The following FSTL5 variants were observed in gnomAD, a reference collection of about 807,000 sequenced individuals.
The protein encoded by FSTL5 is follistatin-related protein 5.
Under a neutral mutation model 89.1 loss-of-function variants are expected in FSTL5, and 62 were observed. The observed-to-expected ratio is 0.70, with a 90% CI of 0.57 to 0.86. The LOEUF is 0.86. FSTL5 is among the 40% of genes least tolerant of loss of function. FSTL5 has a pLI of 0.00. For missense variants in FSTL5, 1,057 were observed against 1,001.6 expected, an observed-to-expected ratio of 1.06 and a Z score of -0.75; for synonymous variants, 383 against 346.2, an observed-to-expected ratio of 1.11 and a Z score of -1.18.
intron 6 of FSTL5, among the ~76,000 whole-genome samples, chr4:161,669,829 T>A (rs955729117): frequency 2.6e-5 from 4 of 152,048 alleles, no homozygotes; most frequent in African/African-American, 9.7e-5. Flanking sequence ...AAACCTTAGG[T>A]AAGATAGATC....
chr4:161,987,657 A>G lies in FSTL5; in HGVS notation c.160+45968T>C, dbSNP rs952160300. Among the ~76,000 whole-genome samples the G allele has an allele frequency of 3.4e-5, 5 of 148,714 alleles. No individual in the cohort carries two copies. In the Admixed American group the frequency reaches 3.4e-4, roughly 10 times the overall value. On this transcript the variant is annotated intron_variant, in intron 3 of 15. Coordinates refer to ENST00000306100, the MANE Select transcript of FSTL5 (RefSeq NM_020116.5). ...AAGTATATATATATTTTATTGAAAT[A>G]TATATATAATGAAATCCAGTGACCT... is the stretch of plus-strand genomic sequence containing the variant.
chr4:161,982,680 C>G (rs439445), intron 3 of FSTL5, among the ~76,000 whole-genome samples: 152,077 of 152,348 alleles, frequency 1, 75,903 homozygotes, highest in Non-Finnish European at 1. Context: ...TATGTACATT[C>G]AAGTATGGTG....
At chr4:161,891,990 A>C (rs2110756452) in intron 4 of FSTL5, among the ~76,000 whole-genome samples, 1 of 152,030 alleles carries the variant, frequency 6.6e-6, no homozygotes, top group East Asian at 1.9e-4. Flanking sequence ...TAGCTTTGAC[A>C]GTTTTGCTTC....
At chr4:161,850,910 A>T (rs1185896780) in intron 4 of FSTL5, among the ~76,000 whole-genome samples, 1 of 152,166 alleles carries the variant, frequency 6.6e-6, no homozygotes, top group African/African-American at 2.4e-5. Flanking sequence ...AGGTGGGAGA[A>T]GGGAGACTAT....
At chr4:161,560,533 T>C (rs570338255) in intron 8 of FSTL5, among the ~76,000 whole-genome samples, 7 of 151,888 alleles carry the variant, frequency 4.6e-5, no homozygotes, top group African/African-American at 1.4e-4. Flanking sequence ...ATTGTACAAA[T>C]GTACAAATTT....
chr4:162,087,403 C>T (rs114063233), intron 2 of FSTL5, among the ~76,000 whole-genome samples: 2,166 of 151,838 alleles, frequency 0.014, 29 homozygotes, highest in Non-Finnish European at 0.023. Context: ...ATTCTCAGTT[C>T]GTATAATGAC....
At chr4:161,601,087 A>G (rs1445113635) in intron 7 of FSTL5, among the ~76,000 whole-genome samples, 1 of 152,120 alleles carries the variant, frequency 6.6e-6, no homozygotes, top group Non-Finnish European at 1.5e-5. Flanking sequence ...AACTTGCACA[A>G]GTTGTGAGAG....
intron 14 of FSTL5, 152 bp from the exon 15 acceptor site, chr4:161,455,280 C>T (rs1424657118): frequency 1.2e-5 from 6 of 491,086 alleles, no homozygotes; most frequent in Non-Finnish European, 2.0e-5. Context: ...ACACAAATTA[C>T]AATTCTGTGA....
chr4:162,085,280 C>T (rs1360282562), intron 2 of FSTL5, among the ~76,000 whole-genome samples: 2 of 152,094 alleles, frequency 1.3e-5, no homozygotes, highest in African/African-American at 4.8e-5. Flanking sequence ...TTATCAAGTA[C>T]TGTTGTATAC....
chr4:162,057,671 T>TG (rs1560995675), intron 2 of FSTL5, among the ~76,000 whole-genome samples: 1 of 152,058 alleles, frequency 6.6e-6, no homozygotes, highest in Non-Finnish European at 1.5e-5. Flanking sequence ...CACCCGGGTG[T>TG]GGTGGCTAAT....
intron 7 of FSTL5, among the ~76,000 whole-genome samples, chr4:161,647,244 T>C (rs1736183208): frequency 6.6e-6 from 1 of 152,182 alleles, no homozygotes; most frequent in Non-Finnish European, 1.5e-5. Flanking sequence ...CAACAAGATT[T>C]GTTGAAGAGA....
At position 162,076,708 on chromosome 4, in the gene FSTL5, G is replaced by T. The variant is rs56050230; in HGVS notation, c.126+34563C>A. 6.0e-3 allele frequency among the ~76,000 whole-genome samples: 905 copies of T among 151,748 alleles called. 8 individuals carry two copies. The highest frequency in any genetic ancestry group is 0.02 in the African/African-American group (847 of 41,452). On this transcript the variant is annotated intron_variant, in intron 2 of 15. Transcript: ENST00000306100. ...GGTGGGGCAATGGCTGCTTCAATCG[G>T]CACTGTAATACAGAAAATTATAAGC...
chr4:161,845,648 T>C (rs1731343255), intron 4 of FSTL5, among the ~76,000 whole-genome samples: 1 of 152,238 alleles, frequency 6.6e-6, no homozygotes, highest in Non-Finnish European at 1.5e-5. Flanking sequence ...TCTTTAGATT[T>C]TCATTTGATA....
chr4:161,693,714 C>T (rs1223907790), intron 6 of FSTL5, among the ~76,000 whole-genome samples: 2 of 148,606 alleles, frequency 1.3e-5, no homozygotes, highest in Admixed American at 6.8e-5. Flanking sequence ...TCTCAGCTCA[C>T]TGCAAGCTCT....
intron 3 of FSTL5, among the ~76,000 whole-genome samples, chr4:161,995,673 T>C (rs1271618685): frequency 6.6e-6 from 1 of 152,124 alleles, no homozygotes; most frequent in African/African-American, 2.4e-5. Context: ...TATGGGTCAC[T>C]AAGTTGTTAA....
intron 4 of FSTL5, among the ~76,000 whole-genome samples, chr4:161,814,840 G>C (rs1579112133): frequency 6.6e-6 from 1 of 152,018 alleles, no homozygotes; most frequent in Non-Finnish European, 1.5e-5. Context: ...TGATGAGATA[G>C]TATGTTCCTA....
At chr4:161,922,223 C>T (rs2110867907) in intron 3 of FSTL5, among the ~76,000 whole-genome samples, 1 of 151,752 alleles carries the variant, frequency 6.6e-6, no homozygotes, top group Admixed American at 6.6e-5. Context: ...TGAAGGATTC[C>T]ATGAAATTTA....
chr4:161,427,345 G>A (rs1458573239), intron 15 of FSTL5, among the ~76,000 whole-genome samples: 3 of 152,154 alleles, frequency 2.0e-5, no homozygotes, highest in Middle Eastern at 3.2e-3. Context: ...GAAACCTATA[G>A]CTGCATTTGT....
intron 3 of FSTL5, among the ~76,000 whole-genome samples, chr4:161,967,931 G>A (rs1298964457): frequency 6.6e-6 from 1 of 151,930 alleles, no homozygotes; most frequent in South Asian, 2.1e-4. Context: ...AAATAAACTA[G>A]ATAATTTCCC....
Sources: gnomAD v4.1 joint callset for allele counts (sites outside exome capture counted in the v4.1 genomes callset) on GRCh38, gnomAD v4.1.1 for gene constraint, MANE v1.5 for transcripts, NCBI Gene and HGNC (gene_info 2026-07-23, HGNC 2026-07-21) for gene names.